The following VGLL4 variants were observed in gnomAD, a reference collection of about 807,000 sequenced individuals.
VGLL4 encodes transcription cofactor vestigial-like protein 4.
VGLL4 carries 7 observed loss-of-function variants against 21.0 expected under a neutral mutation model. The ratio of observed to expected loss-of-function variants is 0.33; its 90% CI spans 0.19 to 0.63. The LOEUF (loss-of-function observed/expected upper bound fraction) is 0.63. VGLL4 is among the 20% of genes least tolerant of loss of function. The pLI, the probability that VGLL4 is intolerant of heterozygous loss-of-function variation, is 0.78. For missense variants in VGLL4, 394 were observed against 425.7 expected (o/e 0.93, Z 0.66); for synonymous variants, 222 against 173.2 (o/e 1.28, Z -2.21).
intron 1 of VGLL4, among the ~76,000 whole-genome samples, chr3:11,615,197 C>T (rs926419370): frequency 1.3e-5 from 2 of 152,158 alleles, no homozygotes; most frequent in Admixed American, 6.5e-5. Flanking sequence ...TCCAACTTCC[C>T]GAACTGACCT....
At chr3:11,621,689 A>C (rs1198267840) in intron 1 of VGLL4, among the ~76,000 whole-genome samples, 1 of 152,196 alleles carries the variant, frequency 6.6e-6, no homozygotes. Flanking sequence ...CTAGGAGTAG[A>C]ATTGCTGGGT....
At chr3:11,614,091 G>A (rs1000910764) in intron 1 of VGLL4, among the ~76,000 whole-genome samples, 21 of 152,208 alleles carry the variant, frequency 1.4e-4, no homozygotes, top group Admixed American at 6.5e-4. Context: ...TACCCGGCAC[G>A]GTGCCGCCTC....
intron 2 of VGLL4, among the ~76,000 whole-genome samples, chr3:11,597,557 A>C (rs1270848719): frequency 6.6e-6 from 1 of 152,190 alleles, no homozygotes; most frequent in East Asian, 1.9e-4. Context: ...AAAAACAAAA[A>C]ACAAGTGTCA....
rs116474196 is a variant in VGLL4, at chr3:11,615,340, A to G, written c.83-13318T>C. On this transcript the variant is annotated intron_variant, in intron 1 of 4. Transcript: ENST00000430365. ...AATTCTTTTCTCTTTCGTGACACTGATGTTTTTAAATAATGCAGACCAATG... is the reference window on the plus strand; with the variant it reads ...AATTCTTTTCTCTTTCGTGACACTGGTGTTTTTAAATAATGCAGACCAATG... Among the ~76,000 whole-genome samples, 733 of 152,302 alleles carry G rather than the reference A, an allele frequency of 4.8e-3. 6 individuals are homozygous for G. The highest frequency in any genetic ancestry group is 6.8e-3 in the Middle Eastern group (2 of 294).
At chr3:11,709,572 A>G (rs2076811829) in intron 1 of VGLL4, among the ~76,000 whole-genome samples, 1 of 150,984 alleles carries the variant, frequency 6.6e-6, no homozygotes, top group African/African-American at 2.4e-5. Context: ...GAATAGACAT[A>G]TATTTTGTTG....
At position 11,618,644 on chromosome 3, in the gene VGLL4, T is replaced by C. The variant is rs181315353; in HGVS notation, c.83-16622A>G. On this transcript the variant is annotated intron_variant, in intron 1 of 4. Coordinates refer to ENST00000430365, the MANE Select transcript of VGLL4 (RefSeq NM_001128219.3). ...AAAAATTATACACAATCAAGGACTT[T>C]TGTTTCCTTACCAAGCTCCAAGAAA... 1.5e-3 allele frequency among the ~76,000 whole-genome samples: 231 copies of C among 152,306 alleles called. 3 individuals are homozygous for C. The highest frequency in any genetic ancestry group is 1.7e-3 in the South Asian group (8 of 4,824).
intron 1 of VGLL4, among the ~76,000 whole-genome samples, chr3:11,635,126 A>G (rs1326971561): frequency 2.0e-5 from 3 of 152,204 alleles, no homozygotes; most frequent in African/African-American, 7.2e-5. Context: ...AATTCAACAG[A>G]GTTGTGGGAG....
intron 2 of VGLL4, among the ~76,000 whole-genome samples, chr3:11,689,096 A>G (rs1331668759): frequency 6.6e-6 from 1 of 152,138 alleles, no homozygotes; most frequent in Non-Finnish European, 1.5e-5. Context: ...AAAATACAAA[A>G]TTTCAGCACA....
intron 2 of VGLL4, chr3:11,671,216 A>C: frequency 6.4e-7 from 1 of 1,555,626 alleles, no homozygotes; most frequent in African/African-American, 1.4e-5. Flanking sequence ...ATTTCAATTA[A>C]GAAATGTCAA....
intron 3 of VGLL4, 36 bp from the exon 4 acceptor site, chr3:11,559,491 G>T: frequency 6.6e-7 from 1 of 1,519,042 alleles, no homozygotes; most frequent in Non-Finnish European, 8.8e-7. Context: ...GTGGAGACCA[G>T]CTTCAGTACC....
intron 2 of VGLL4, among the ~76,000 whole-genome samples, chr3:11,594,918 T>C (rs1288142799): frequency 2.6e-5 from 4 of 152,118 alleles, no homozygotes; most frequent in Non-Finnish European, 5.9e-5. Context: ...TCCCAGCACT[T>C]TGGGAGGCCG....
intron 2 of VGLL4, among the ~76,000 whole-genome samples, chr3:11,650,210 C>T (rs570176418): frequency 6.6e-6 from 1 of 152,318 alleles, no homozygotes; most frequent in East Asian, 1.9e-4. Flanking sequence ...GCTGGGATTA[C>T]TGGCATGAGC....
chr3:11,664,548 C>T lies in VGLL4; in HGVS notation c.64+38423G>A, dbSNP rs368548462. Among the ~76,000 whole-genome samples, 8 of 152,258 alleles carry T rather than the reference C, an allele frequency of 5.3e-5. No individual in the cohort carries two copies. In the East Asian group the frequency reaches 1.5e-3, roughly 29 times the overall value. ...AATTCTGTGAATAGTTTACTTCAGCCTTGGAGCTGGCAGGGACGGTGGCTG... is the reference window on the plus strand; with the variant it reads ...AATTCTGTGAATAGTTTACTTCAGCTTTGGAGCTGGCAGGGACGGTGGCTG... On this transcript the variant is annotated intron_variant, in intron 2 of 5. Coordinates refer to the VGLL4 transcript ENST00000273038.
chr3:11,684,687 A>G (rs969818446), intron 2 of VGLL4, among the ~76,000 whole-genome samples: 1 of 151,680 alleles, frequency 6.6e-6, no homozygotes. Context: ...GGTCCCTAAC[A>G]TAACTTTCTT....
chr3:11,704,107 G>A (rs1245694596), intron 1 of VGLL4, among the ~76,000 whole-genome samples: 2 of 150,180 alleles, frequency 1.3e-5, no homozygotes, highest in African/African-American at 2.5e-5. Context: ...TAGGTCGGGC[G>A]TGGTGGCTCA....
chr3:11,642,573 C>T (rs950510741), intron 1 of VGLL4, among the ~76,000 whole-genome samples: 1 of 152,226 alleles, frequency 6.6e-6, no homozygotes, highest in South Asian at 2.1e-4. Context: ...GGCCGAACTC[C>T]CCCGGAGATG....
Position 11,571,810 on chromosome 3 carries a change from C to T in VGLL4, c.273-6791G>A, listed in dbSNP as rs370245567. ...AGACAGCTGTGGCTTGCGGTCCCAG[C>T]GTGAGAAGCCTATTGGCCGGGCACA... On this transcript the variant is annotated intron_variant, in intron 2 of 4. Transcript: ENST00000430365. Among the ~76,000 whole-genome samples, 26 of 152,186 alleles carry T rather than the reference C, an allele frequency of 1.7e-4. No individual in the cohort carries two copies. The South Asian group carries it at 4.6e-3, about 27-fold the overall frequency.
intron 2 of VGLL4, among the ~76,000 whole-genome samples, chr3:11,579,733 C>A (rs948693435): frequency 1.3e-5 from 2 of 152,164 alleles, no homozygotes; most frequent in Non-Finnish European, 2.9e-5. Flanking sequence ...AAGTTTCATG[C>A]ACCTTTCCTT....
At chr3:11,616,366 C>T (rs1320852182) in intron 1 of VGLL4, among the ~76,000 whole-genome samples, 1 of 152,192 alleles carries the variant, frequency 6.6e-6, no homozygotes, top group Non-Finnish European at 1.5e-5. Flanking sequence ...TTAATCCTAT[C>T]GCCTAACGGT....
Sources: allele counts gnomAD v4.1 joint callset (sites outside exome capture counted in the v4.1 genomes callset), GRCh38; gene constraint gnomAD v4.1.1; transcripts MANE v1.5; gene names NCBI Gene and HGNC (gene_info 2026-07-23, HGNC 2026-07-21).